MTAP: variants seen among roughly 807,000 people sequenced by gnomAD.
The protein encoded by MTAP is S-methyl-5'-thioadenosine phosphorylase.
In MTAP, 33 loss-of-function variants were observed where a neutral mutation model predicts 33.6. The observed-to-expected ratio is 0.98, with a 90% CI of 0.74 to 1.31. The LOEUF (loss-of-function observed/expected upper bound fraction) is 1.31, where lower values mean the gene tolerates loss of function less well. Ranked by LOEUF, MTAP falls within the 40% of genes most tolerant of loss-of-function variation. The probability of loss-of-function intolerance (pLI) is 0.00; values close to 1 mark genes in which losing one functional copy is unlikely to be tolerated. For synonymous variants in MTAP, 148 were observed against 125.7 expected, an observed-to-expected ratio of 1.18 and a Z score of -1.19; for missense variants, 367 against 360.0, an observed-to-expected ratio of 1.02 and a Z score of -0.16.
At chr9:21,897,962 C>T (rs1300076904) in intron 1 of MTAP, among the ~76,000 whole-genome samples, 4 of 152,146 alleles carry the variant, frequency 2.6e-5, no homozygotes, top group Non-Finnish European at 5.9e-5. Flanking sequence ...GGAGGCATCA[C>T]ACTACCTGAC....
chr9:21,851,651 G>T (rs763788987), intron 5 of MTAP, among the ~76,000 whole-genome samples: 1 of 152,246 alleles, frequency 6.6e-6, no homozygotes, highest in South Asian at 2.1e-4. Flanking sequence ...AACTTGATTG[G>T]ATTGAAGGAT....
rs371437736 is a variant in MTAP at position 21,885,430 on chromosome 9, A to AT, written c.147+30569dup. ...TCTGGGGTGGGGCCCAATAATTTGC[A>AT]TTTTTTTTTATTTCAATAGTTTTTG... On this transcript the variant is annotated intron_variant, in intron 1 of 1. Transcript: ENST00000577563. Among the ~76,000 whole-genome samples, 251 of 151,350 alleles carry AT rather than the reference A, an allele frequency of 1.7e-3. 1 individual carries two copies. Among genetic ancestry groups the AT allele is most frequent in the African/African-American group, 3.7e-3 (151 of 41,280 alleles).
chr9:21,917,297 G>A (rs796135745), intron 1 of MTAP, among the ~76,000 whole-genome samples: 5 of 152,280 alleles, frequency 3.3e-5, no homozygotes, highest in Admixed American at 1.3e-4. Flanking sequence ...ATTTCTGAGT[G>A]GTCCACATAA....
chr9:21,861,936 G>A (rs370748314), intron 7 of MTAP, 40 bp from the exon 8 acceptor site: 12 of 1,115,564 alleles, frequency 1.1e-5, no homozygotes, highest in Non-Finnish European at 1.5e-5. Flanking sequence ...CAGTAATTAC[G>A]CCAACATGTG....
At chr9:21,909,001 T>G (rs10965179) in intron 1 of MTAP, among the ~76,000 whole-genome samples, 3,426 of 152,162 alleles carry the variant, frequency 0.023, 134 homozygotes, top group African/African-American at 0.076. Context: ...TTGCTTAATC[T>G]GGTAAACATA....
intron 5 of MTAP, among the ~76,000 whole-genome samples, chr9:21,844,446 A>G (rs1438379639): frequency 6.6e-6 from 1 of 152,174 alleles, no homozygotes; most frequent in Non-Finnish European, 1.5e-5. Context: ...CTACAGACCA[A>G]TATCCCTGAT....
intron 1 of MTAP, among the ~76,000 whole-genome samples, chr9:21,917,571 A>G (rs1187503647): frequency 6.6e-6 from 1 of 152,180 alleles, no homozygotes; most frequent in East Asian, 1.9e-4. Context: ...GAATGGCCAT[A>G]ATTAAAAAGT....
intron 1 of MTAP, among the ~76,000 whole-genome samples, chr9:21,889,470 C>T (rs971713079): frequency 6.6e-6 from 1 of 151,970 alleles, no homozygotes; most frequent in Non-Finnish European, 1.5e-5. Flanking sequence ...CTTGTTTTGT[C>T]ATATTACCAG....
intron 1 of MTAP, among the ~76,000 whole-genome samples, chr9:21,890,715 G>C (rs1818187077): frequency 6.6e-6 from 1 of 152,060 alleles, no homozygotes; most frequent in African/African-American, 2.4e-5. Flanking sequence ...TCTGTGATCT[G>C]AATTTTCAGG....
rs1191163674 is a variant in MTAP at position 21,863,028 on chromosome 9, T to A, written c.*1014T>A. The stretch of plus-strand genomic sequence containing the variant: ...TAAGGTGAATGTCATTTAAGGGAGT[T>A]ACATCTTTATTCTGCTAAAGAAGAG... On this transcript the variant is annotated 3_prime_UTR_variant, in exon 8 of 8. Coordinates refer to ENST00000644715, the MANE Select transcript of MTAP (RefSeq NM_002451.4). The A allele has an allele frequency of 7.1e-6, 7 of 985,184 alleles. No individual in the cohort carries two copies. The highest frequency in any genetic ancestry group is 8.4e-6 in the Non-Finnish European group (7 of 829,812). 61.0% of individuals were successfully genotyped at this position (985,184 alleles called of 1,614,324 possible). A position where few individuals can be genotyped will look rare whatever the true frequency, so the allele number is the denominator to read the frequency against.
At chr9:21,923,957 C>T (rs373339579) in intron 1 of MTAP, among the ~76,000 whole-genome samples, 19 of 152,312 alleles carry the variant, frequency 1.2e-4, no homozygotes, top group African/African-American at 4.6e-4. Flanking sequence ...AGGCTGGTCA[C>T]AGGCCACAGG....
intron 1 of MTAP, among the ~76,000 whole-genome samples, chr9:21,882,676 CTA>C (rs1360368022): frequency 1.3e-5 from 2 of 151,986 alleles, no homozygotes; most frequent in Non-Finnish European, 2.9e-5. Flanking sequence ...GAAAATATCT[CTA>C]TACATTCTTT....
chr9:21,888,165 T>A (rs1818144530), intron 1 of MTAP, among the ~76,000 whole-genome samples: 1 of 152,172 alleles, frequency 6.6e-6, no homozygotes, highest in African/African-American at 2.4e-5. Context: ...CCACTTTTAT[T>A]CCACTGTGGT....
At position 21,816,836 on chromosome 9, in the gene MTAP, TG is replaced by T. The variant is rs1554642056; in HGVS notation, c.179+66del. 12 of 1,407,004 alleles carry T rather than the reference TG, an allele frequency of 8.5e-6. No homozygotes were observed. In the South Asian group the frequency reaches 1.2e-4, roughly 14 times the overall value. 87.2% of individuals were successfully genotyped at this position (1,407,004 alleles called of 1,614,324 possible). A position where few individuals can be genotyped will look rare whatever the true frequency, so the allele number is the denominator to read the frequency against. Reference sequence around the variant, plus strand: ...GATAATTTAAATTTAACTTAAATTCTGGAAAGAGTAAAGATACAGGTCTGAG... The same window carrying T: ...GATAATTTAAATTTAACTTAAATTCTGAAAGAGTAAAGATACAGGTCTGAG... On this transcript the variant is annotated intron_variant, in intron 3 of 7. Coordinates refer to ENST00000644715, the MANE Select transcript of MTAP (RefSeq NM_002451.4).
intron 5 of MTAP, among the ~76,000 whole-genome samples, chr9:21,847,581 A>G (rs143049464): frequency 1.2e-3 from 185 of 152,344 alleles, no homozygotes; most frequent in Admixed American, 0.011. Context: ...CTTTGACCAT[A>G]TGTGGAATCA....
intron 4 of MTAP, among the ~76,000 whole-genome samples, chr9:21,821,934 G>T (rs200042177): frequency 1.3e-5 from 2 of 152,084 alleles, no homozygotes; most frequent in Admixed American, 6.6e-5. Flanking sequence ...TTTATAGTAT[G>T]CTCTGATGGT....
chr9:21,827,982 T>C (rs929415772), intron 4 of MTAP, among the ~76,000 whole-genome samples: 2 of 152,240 alleles, frequency 1.3e-5, no homozygotes, highest in South Asian at 4.1e-4. Context: ...AATCTGTTAC[T>C]TAAACAGTAT....
At chr9:21,918,077 C>CTCGATG (rs1818720553) in intron 1 of MTAP, among the ~76,000 whole-genome samples, 1 of 113,656 alleles carries the variant, frequency 8.8e-6, no homozygotes, top group African/African-American at 5.4e-5. Context: ...ATGGGCCGGG[C>CTCGATG]GCGGTGGCTC....
chr9:21,844,685 TATA>T (rs1317882006), intron 5 of MTAP, among the ~76,000 whole-genome samples: 2 of 152,038 alleles, frequency 1.3e-5, no homozygotes, highest in African/African-American at 4.8e-5. Flanking sequence ...TCCATCTAGT[TATA>T]ATTAAAACCC....
Sources: gnomAD v4.1 joint callset for allele counts (sites outside exome capture counted in the v4.1 genomes callset) on GRCh38, gnomAD v4.1.1 for gene constraint, MANE v1.5 for transcripts, NCBI Gene and HGNC (gene_info 2026-07-23, HGNC 2026-07-21) for gene names.